The following MED26 variants were observed in gnomAD, a reference collection of about 807,000 sequenced individuals.
The protein encoded by MED26 is mediator of RNA polymerase II transcription subunit 26.
A neutral mutation model predicts 43.7 loss-of-function variants in MED26; 7 were observed. The ratio of observed to expected loss-of-function variants is 0.16; its 90% CI spans 0.09 to 0.30. The LOEUF is 0.30. MED26 is among the 10% of genes least tolerant of loss of function. The pLI is 1.00. For synonymous variants in MED26, 375 were observed against 371.1 expected (o/e 1.01, Z -0.12); for missense variants, 784 against 840.6 (o/e 0.93, Z 0.83).
chr19:16,587,117 C>T lies in MED26; in HGVS notation c.73-8708G>A, dbSNP rs1429254570. Reference sequence around the variant, plus strand: ...CGCGGCTGAGTCACCTCGCCCACCCCCCAACCCCCAACACACAGTCGTGTC... The same window carrying T: ...CGCGGCTGAGTCACCTCGCCCACCCTCCAACCCCCAACACACAGTCGTGTC... On this transcript the variant is annotated intron_variant, in intron 1 of 2. Transcript: ENST00000263390. The surrounding 1 kb of genome is among the most constrained non-coding windows in gnomAD (Gnocchi z 4.9). The T allele has an allele frequency of 6.6e-6, 1 of 152,166 alleles. No individual in the cohort carries two copies. The highest frequency in any genetic ancestry group is 1.5e-5 in the Non-Finnish European group (1 of 68,048). 9.4% of individuals were successfully genotyped at this position (152,166 alleles called of 1,614,324 possible). A position where few individuals can be genotyped will look rare whatever the true frequency, so the allele number is the denominator to read the frequency against.
intron 1 of MED26, among the ~76,000 whole-genome samples, chr19:16,579,818 A>AT (rs1451844622): frequency 6.6e-6 from 1 of 152,164 alleles, no homozygotes; most frequent in East Asian, 1.9e-4. Context: ...ATTTCCTTGC[A>AT]TTTTTTTCCA....
At chr19:16,616,533 A>C (rs2086227032) in intron 1 of MED26, among the ~76,000 whole-genome samples, 1 of 152,226 alleles carries the variant, frequency 6.6e-6, no homozygotes, top group Admixed American at 6.5e-5. Context: ...TGCAGGAAGA[A>C]GGACTCCAGG....
chr19:16,617,699 G>A (rs574152604), intron 1 of MED26, among the ~76,000 whole-genome samples: 1 of 152,304 alleles, frequency 6.6e-6, no homozygotes, highest in African/African-American at 2.4e-5. Flanking sequence ...GAGCAAATGC[G>A]GAGGAGCTCA....
intron 1 of MED26, among the ~76,000 whole-genome samples, chr19:16,600,039 G>A (rs945264697): frequency 1.3e-5 from 2 of 152,144 alleles, no homozygotes; most frequent in African/African-American, 4.8e-5. Context: ...CACTCTCCAA[G>A]CACCCACCTG....
At chr19:16,620,433 G>T (rs1187243007) in intron 1 of MED26, among the ~76,000 whole-genome samples, 1 of 152,228 alleles carries the variant, frequency 6.6e-6, no homozygotes, top group Admixed American at 6.5e-5. Context: ...GCTGAAAACC[G>T]CTGGCACCTA....
At chr19:16,578,452 C>T (rs2086025509) in intron 1 of MED26, 43 bp from the exon 2 acceptor site, 2 of 1,581,864 alleles carry the variant, frequency 1.3e-6, no homozygotes, top group Non-Finnish European at 8.7e-7. Context: ...TGTCCTTCTC[C>T]ACTGGGAGGC....
chr19:16,603,482 C>T (rs150734400), intron 1 of MED26, among the ~76,000 whole-genome samples: 1 of 152,104 alleles, frequency 6.6e-6, no homozygotes, highest in East Asian at 1.9e-4. Context: ...AAAAAAAATT[C>T]TTCCCTTCTT....
At chr19:16,590,305 C>G (rs1031474649) in intron 1 of MED26, among the ~76,000 whole-genome samples, 4 of 152,204 alleles carry the variant, frequency 2.6e-5, no homozygotes, top group Non-Finnish European at 5.9e-5. Context: ...AGCCAGGGTG[C>G]CAGCTGGCCA....
intron 1 of MED26, among the ~76,000 whole-genome samples, chr19:16,582,845 C>A (rs940995544): frequency 1.3e-5 from 2 of 152,258 alleles, no homozygotes; most frequent in African/African-American, 4.8e-5. Context: ...GCTGGCCAGA[C>A]AGCACCAAAG....
intron 1 of MED26, among the ~76,000 whole-genome samples, chr19:16,599,956 C>A (rs144409480): frequency 1.9e-3 from 294 of 152,294 alleles, no homozygotes; most frequent in Non-Finnish European, 1.8e-3. Context: ...GCCACAGAAG[C>A]CTCAAAAGTT....
rs375978551 is a variant in MED26, at chr19:16,577,114, G to T, written c.716C>A (p.Pro239His). Residue 239 changes from proline (P) to histidine (H), a missense_variant, in exon 3 of 3, where the codon CCT becomes CAT. Pro to His is a moderately conservative substitution (Grantham distance 77). Transcript: ENST00000263390. The surrounding 1 kb of genome is among the most constrained non-coding windows in gnomAD (Gnocchi z 8.1). ...AGCCTTTGGCTGCAAGCAGGGTCCA[G>T]GGGGCTTGCCCAGGCCCGGGGAGCT... The part of the protein sequence containing the change: ...HTSSPGLGKP[P>H]GPCLQPKASV... 36 of 1,612,916 alleles carry T rather than the reference G, an allele frequency of 2.2e-5. No homozygotes were observed. Among genetic ancestry groups the T allele is most frequent in the Admixed American group, 1.2e-4 (7 of 59,996 alleles).
At chr19:16,621,993 T>C (rs562057844) in intron 1 of MED26, among the ~76,000 whole-genome samples, 1 of 152,122 alleles carries the variant, frequency 6.6e-6, no homozygotes, top group Non-Finnish European at 1.5e-5. Context: ...CTGTGCCCCA[T>C]CCCACAGCAG....
In MED26 at chr19:16,586,200, C is replaced by T. The variant is rs1284574287; in HGVS notation, c.73-7791G>A. Among the ~76,000 whole-genome samples the T allele has an allele frequency of 1.3e-5, 2 of 152,258 alleles. No homozygotes were observed. The highest frequency in any genetic ancestry group is 6.5e-5 in the Admixed American group (1 of 15,290). On this transcript the variant is annotated intron_variant, in intron 1 of 2. Transcript: ENST00000263390. The surrounding 1 kb of genome is among the most constrained non-coding windows in gnomAD (Gnocchi z 5.1). ...TGGGCAGGCCCAACCGGGCACAACT[C>T]GCACAGGACCATCACTGGTGGGTTG...
chr19:16,601,994 C>CT (rs980511312), intron 1 of MED26, among the ~76,000 whole-genome samples: 1 of 152,166 alleles, frequency 6.6e-6, no homozygotes, highest in Non-Finnish European at 1.5e-5. Flanking sequence ...AGGGAGGACT[C>CT]AAGGCAGGCC....
Position 16,617,911 on chromosome 19 carries a change from G to A in MED26, c.72+9961C>T, listed in dbSNP as rs142969411. Among the ~76,000 whole-genome samples the A allele has an allele frequency of 2.7e-3, 416 of 152,284 alleles. 2 individuals carry two copies. Among genetic ancestry groups the A allele is most frequent in the African/African-American group, 8.7e-3 (362 of 41,556 alleles). ...CGAGCTGAGACTTAACATGTGGCCC[G>A]TTTCCGTCACGGCCAGGCAAAAGGG... On this transcript the variant is annotated intron_variant, in intron 1 of 2. Coordinates refer to ENST00000263390, the MANE Select transcript of MED26 (RefSeq NM_004831.5).
intron 1 of MED26, among the ~76,000 whole-genome samples, chr19:16,617,205 C>A (rs1037551465): frequency 2.6e-5 from 4 of 152,136 alleles, no homozygotes; most frequent in African/African-American, 7.2e-5. Flanking sequence ...CCATCCAGCA[C>A]AAATACCACC....
chr19:16,575,973 C>T lies in MED26; in HGVS notation c.*54G>A. On this transcript the variant is annotated 3_prime_UTR_variant, in exon 3 of 3. Coordinates refer to ENST00000263390, the MANE Select transcript of MED26 (RefSeq NM_004831.5). ...CCCCGGCCACCTGCCCACCTGCCTG[C>T]CCGCCCACCCGGCTTCTGCAAGATG... 6.5e-7 allele frequency: 1 copy of T among 1,536,234 alleles called. No individual in the cohort carries two copies. Among genetic ancestry groups the T allele is most frequent in the Non-Finnish European group, 8.8e-7 (1 of 1,131,904 alleles).
At position 16,576,138 on chromosome 19, in the gene MED26, G is replaced by A. The variant is rs372040709; in HGVS notation, c.1692C>T (p.Asn564=). Residue 564 remains asparagine, a synonymous_variant, in exon 3 of 3, where the codon AAC becomes AAT. Coordinates refer to ENST00000263390, the MANE Select transcript of MED26 (RefSeq NM_004831.5). The surrounding 1 kb of genome is among the most constrained non-coding windows in gnomAD (Gnocchi z 6.8). ...AGTTACCCTGTGTGTCCTGACACCC[G>A]TTCACCCCCGGCCACTGGCTGGCCT... is the stretch of plus-strand genomic sequence containing the variant. ...RIQASQWPGV[N]GCQDTQGNWY... 73 of 1,613,794 alleles carry A rather than the reference G, an allele frequency of 4.5e-5. No individual in the cohort carries two copies. The highest frequency in any genetic ancestry group is 8.0e-5 in the African/African-American group (6 of 74,924).
At position 16,586,540 on chromosome 19, in the gene MED26, G is replaced by A. The variant is rs1046456056; in HGVS notation, c.73-8131C>T. Among the ~76,000 whole-genome samples, 5 of 152,248 alleles carry A rather than the reference G, an allele frequency of 3.3e-5. No homozygotes were observed. The highest frequency in any genetic ancestry group is 1.9e-4 in the East Asian group (1 of 5,200). On this transcript the variant is annotated intron_variant, in intron 1 of 2. Coordinates refer to ENST00000263390, the MANE Select transcript of MED26 (RefSeq NM_004831.5). This position sits in a 1 kb window ranked among gnomAD's most constrained non-coding sequence, Gnocchi z 5.1. ...TGAACCCACACAGGGCCACCTCCAC[G>A]GTCTCCGTGTTGTCTATGCCTTGTC... is the stretch of plus-strand genomic sequence containing the variant.
Sources: allele counts gnomAD v4.1 joint callset (sites outside exome capture counted in the v4.1 genomes callset), GRCh38; gene constraint gnomAD v4.1.1; non-coding constraint Gnocchi (gnomAD v3.1); transcripts MANE v1.5; gene names NCBI Gene and HGNC (gene_info 2026-07-23, HGNC 2026-07-21).